Variants in SDK2 observed in about 807,000 individuals in gnomAD.
SDK2 encodes sidekick cell adhesion molecule 2.
A neutral mutation model predicts 253.9 loss-of-function variants in SDK2; 105 were observed. The ratio of observed to expected loss-of-function variants is 0.41; its 90% CI spans 0.35 to 0.49. The LOEUF is 0.49. SDK2 is among the 20% of genes least tolerant of loss of function. The pLI is 0.06. For missense variants in SDK2, 2,608 were observed against 3,003.0 expected (o/e 0.87, Z 3.07); for synonymous variants, 1,249 against 1,234.9 (o/e 1.01, Z -0.24).
rs768105886 is a variant in SDK2 at position 73,402,092 on chromosome 17, G to C, written c.2534C>G (p.Ala845Gly). Residue 845 changes from alanine to glycine, a missense_variant, in exon 19 of 45, where the codon GCC becomes GGC. By Grantham distance (60) the Ala-to-Gly change is moderately conservative. Transcript: ENST00000392650. ...GATGCTGTCTTGAAAGTTAGGCCGG[G>C]CGGTCACCATGGTAACCTCCTCTTC... Reference protein sequence around the residue: ...EQEEEVTMVTARPNFQDSIHV... With the variant: ...EQEEEVTMVTGRPNFQDSIHV... 5 of 1,614,076 alleles carry C rather than the reference G, an allele frequency of 3.1e-6. No individual in the cohort carries two copies. In the East Asian group the frequency reaches 8.9e-5, roughly 29 times the overall value.
intron 36 of SDK2, among the ~76,000 whole-genome samples, chr17:73,378,744 T>G (rs2062805584): frequency 6.6e-6 from 1 of 152,130 alleles, no homozygotes; most frequent in African/African-American, 2.4e-5. Flanking sequence ...AAACAGAGAT[T>G]TCCAAATACT....
At position 73,585,970 on chromosome 17, in the gene SDK2, A is replaced by T. The variant is rs190197546; in HGVS notation, c.64+58055T>A. On this transcript the variant is annotated intron_variant, in intron 1 of 44. Transcript: ENST00000392650. ...GTGTCCTAGGAAATATATATATAGG[A>T]TGTACTCGGAAAGGGACAAGAAACG... is the stretch of plus-strand genomic sequence containing the variant. Among the ~76,000 whole-genome samples the T allele has an allele frequency of 1.2e-3, 190 of 152,296 alleles. 1 individual carries two copies. The highest frequency in any genetic ancestry group is 4.4e-3 in the African/African-American group (182 of 41,554).
rs1314246195 is a variant in SDK2 at position 73,616,109 on chromosome 17, A to G, written c.64+27916T>C. ...CTGAGCTTGACAGTGTGCATGAAGTAGACATATGATCCAGTTTGTGGAATC... is the reference window on the plus strand; with the variant it reads ...CTGAGCTTGACAGTGTGCATGAAGTGGACATATGATCCAGTTTGTGGAATC... On this transcript the variant is annotated intron_variant, in intron 1 of 44. Coordinates refer to ENST00000392650, the MANE Select transcript of SDK2 (RefSeq NM_001144952.2). This position sits in a 1 kb window ranked among gnomAD's most constrained non-coding sequence, Gnocchi z 5.2. Among the ~76,000 whole-genome samples the G allele has an allele frequency of 6.6e-6, 1 of 152,214 alleles. No homozygotes were observed. Among genetic ancestry groups the G allele is most frequent in the African/African-American group, 2.4e-5 (1 of 41,448 alleles).
chr17:73,371,072 CAT>C (rs1186056248), intron 36 of SDK2, among the ~76,000 whole-genome samples: 5 of 152,042 alleles, frequency 3.3e-5, no homozygotes, highest in African/African-American at 1.2e-4. Context: ...TCTAAAATAA[CAT>C]AAAAATAACG....
At chr17:73,625,803 C>G (rs1423317509) in intron 1 of SDK2, among the ~76,000 whole-genome samples, 1 of 152,092 alleles carries the variant, frequency 6.6e-6, no homozygotes, top group African/African-American at 2.4e-5. Context: ...CGCCACCACA[C>G]CTGGCTAATT....
At chr17:73,423,352 C>CGGGAGGTGT (rs1222751530) in intron 14 of SDK2, 34 bp downstream of exon 14, 1 of 1,375,184 alleles carries the variant, frequency 7.3e-7, no homozygotes, top group Non-Finnish European at 9.5e-7. Context: ...CAAGCTTGGG[C>CGGGAGGTGT]GGGAGGTGTT....
At chr17:73,407,240 C>A in intron 18 of SDK2, among the ~76,000 whole-genome samples, 1 of 152,176 alleles carries the variant, frequency 6.6e-6, no homozygotes, top group Non-Finnish European at 1.5e-5. Context: ...ATGCCTGGCA[C>A]AGTGAGGGGA....
At position 73,629,480 on chromosome 17, in the gene SDK2, G is replaced by C. The variant is rs2046242484; in HGVS notation, c.64+14545C>G. The stretch of plus-strand genomic sequence containing the variant: ...TGGCCAGGTACACTTTGGCCTTAGT[G>C]ATTAGATACGACCAAGGTGCGTATT... On this transcript the variant is annotated intron_variant, in intron 1 of 44. Coordinates refer to ENST00000392650, the MANE Select transcript of SDK2 (RefSeq NM_001144952.2). This position sits in a 1 kb window ranked among gnomAD's most constrained non-coding sequence, Gnocchi z 5.0. Among the ~76,000 whole-genome samples the C allele has an allele frequency of 1.3e-5, 2 of 152,188 alleles. No homozygotes were observed. Among genetic ancestry groups the C allele is most frequent in the Admixed American group, 1.3e-4 (2 of 15,290 alleles).
intron 1 of SDK2, among the ~76,000 whole-genome samples, chr17:73,542,923 C>T (rs1448468060): frequency 2.0e-5 from 3 of 152,192 alleles, no homozygotes; most frequent in East Asian, 1.9e-4. Context: ...AAGACACCCT[C>T]CCCTAGGCCC....
At position 73,385,905 on chromosome 17, in the gene SDK2, G is replaced by A; in HGVS notation, c.4511C>T (p.Ala1504Val). The A allele has an allele frequency of 6.2e-7, 1 of 1,605,876 alleles. No individual in the cohort carries two copies. The highest frequency in any genetic ancestry group is 2.2e-5 in the East Asian group (1 of 44,700). ...GGGCGTCACGGAGAGGATGGTGGGT[G>A]CTTCATCGGGGGCTGTGGAGAGAAG... is the stretch of plus-strand genomic sequence containing the variant. ...LTTLQAAPDEAPTILSVTPHT... is the reference protein window; with the variant it reads ...LTTLQAAPDEVPTILSVTPHT... The change falls in exon 32 of 45, where the codon GCA becomes GTA. Residue 1504 changes from alanine to valine, a missense_variant. Around this residue, in one of 2 missense-constraint regions of SDK2, gnomAD observed 1,103 missense variants for 1,143.9 expected, o/e 0.96. Transcript: ENST00000392650.
At chr17:73,398,235 C>T (rs1303993694) in intron 23 of SDK2, 50 bp from the exon 24 acceptor site, 1 of 1,599,906 alleles carries the variant, frequency 6.3e-7, no homozygotes, top group Admixed American at 1.7e-5. Context: ...TCACCCAACT[C>T]TCAACCCTGT....
chr17:73,423,354 G>T, intron 14 of SDK2, 32 bp downstream of exon 14: 1 of 1,377,386 alleles, frequency 7.3e-7, no homozygotes, highest in Non-Finnish European at 9.5e-7. Flanking sequence ...AGCTTGGGCG[G>T]GAGGTGTTGG....
In SDK2 at chr17:73,368,495, G is replaced by T; in HGVS notation, c.5079C>A (p.Tyr1693Ter). Residue 1693 changes from tyrosine to a stop codon, truncating the protein, a stop_gained, in exon 37 of 45, where the codon TAC (tyrosine) becomes TAA (stop). Coordinates refer to ENST00000392650, the MANE Select transcript of SDK2 (RefSeq NM_001144952.2). LOFTEE classifies it high-confidence loss of function. ...NSVKLKNLTG[Y>*]TAYMVSVAAF... Reference sequence around the variant, plus strand: ...CGGCCACGCTGACCATGTAGGCCGTGTAGCCAGTCAAGTTCTTGAGCTTCA... The same window carrying T: ...CGGCCACGCTGACCATGTAGGCCGTTTAGCCAGTCAAGTTCTTGAGCTTCA... 6.2e-7 allele frequency: 1 copy of T among 1,610,740 alleles called. No homozygotes were observed.
At chr17:73,580,055 A>G (rs1189670251) in intron 1 of SDK2, among the ~76,000 whole-genome samples, 1 of 151,964 alleles carries the variant, frequency 6.6e-6, no homozygotes, top group East Asian at 1.9e-4. Flanking sequence ...GAAGATGGCC[A>G]TCTATGATCA....
intron 5 of SDK2, among the ~76,000 whole-genome samples, chr17:73,444,505 C>T (rs75677420): frequency 0.016 from 2,437 of 152,246 alleles, 62 homozygotes; most frequent in African/African-American, 0.056. Context: ...GCTCCCCACA[C>T]GGGGGGCCTC....
intron 44 of SDK2, among the ~76,000 whole-genome samples, chr17:73,343,017 G>T (rs1038798815): frequency 6.6e-6 from 1 of 152,200 alleles, no homozygotes; most frequent in African/African-American, 2.4e-5. Context: ...GGTGGAATGG[G>T]AGTAGAAGGT....
intron 15 of SDK2, among the ~76,000 whole-genome samples, chr17:73,420,155 A>G (rs1254756009): frequency 1.3e-5 from 2 of 152,218 alleles, no homozygotes; most frequent in Admixed American, 1.3e-4. Context: ...CGGGGAGCCA[A>G]GCGCGACAGC....
At chr17:73,461,307 G>A (rs2063560880) in intron 3 of SDK2, among the ~76,000 whole-genome samples, 3 of 152,232 alleles carry the variant, frequency 2.0e-5, no homozygotes, top group Admixed American at 1.3e-4. Flanking sequence ...AAGACCTAAT[G>A]CCTGCCCTCT....
chr17:73,408,300 C>T (rs2063097437), intron 18 of SDK2, among the ~76,000 whole-genome samples: 1 of 151,476 alleles, frequency 6.6e-6, no homozygotes, highest in African/African-American at 2.4e-5. Context: ...TCACGGCAAC[C>T]TCTGCCTCCC....
Sources: gnomAD v4.1 joint callset for allele counts (sites outside exome capture counted in the v4.1 genomes callset) on GRCh38, gnomAD v4.1.1 for gene constraint, gnomAD v4.1.1 regional missense constraint, Gnocchi (gnomAD v3.1) non-coding constraint, MANE v1.5 for transcripts, NCBI Gene and HGNC (gene_info 2026-07-23, HGNC 2026-07-21) for gene names.